CLASP2: variants seen among roughly 807,000 people sequenced by gnomAD.
The protein encoded by CLASP2 is cytoplasmic linker associated protein 2.
A neutral mutation model predicts 194.4 loss-of-function variants in CLASP2; 47 were observed. The observed-to-expected ratio is 0.24, with a 90% CI of 0.19 to 0.31. CLASP2 has a LOEUF of 0.31. CLASP2 is among the 10% of genes least tolerant of loss of function. The pLI is 1.00. For synonymous variants in CLASP2, 619 were observed against 633.5 expected (o/e 0.98, Z 0.34); for missense variants, 1,445 against 1,823.6 (o/e 0.79, Z 3.78).
At chr3:33,587,919 C>A (rs2067786428) in intron 21 of CLASP2, among the ~76,000 whole-genome samples, 1 of 151,952 alleles carries the variant, frequency 6.6e-6, no homozygotes, top group Non-Finnish European at 1.5e-5. Context: ...CTATTAAAAC[C>A]AATATAAATT....
rs540244830 is a variant in CLASP2, at chr3:33,542,896, T to C, written c.3404+537A>G. Among the ~76,000 whole-genome samples, 17 of 152,298 alleles carry C rather than the reference T, an allele frequency of 1.1e-4. No homozygotes were observed. In the South Asian group the frequency reaches 3.5e-3, roughly 32 times the overall value. ...TGCCATTTAATGTAATAAGCAGTAATTTATTTAAAAAGGCTGTCAGGTTTT... is the reference window on the plus strand; with the variant it reads ...TGCCATTTAATGTAATAAGCAGTAACTTATTTAAAAAGGCTGTCAGGTTTT... On this transcript the variant is annotated intron_variant, in intron 32 of 38. Coordinates refer to ENST00000682230, the MANE Select transcript of CLASP2 (RefSeq NM_001365631.1).
At chr3:33,630,525 G>A (rs778941901) in intron 9 of CLASP2, among the ~76,000 whole-genome samples, 8 of 150,968 alleles carry the variant, frequency 5.3e-5, no homozygotes, top group Non-Finnish European at 7.4e-5. Flanking sequence ...TATGAGAGCC[G>A]AGAATAATAA....
intron 29 of CLASP2, among the ~76,000 whole-genome samples, chr3:33,554,175 C>T (rs1327733061): frequency 2.0e-5 from 3 of 147,762 alleles, no homozygotes; most frequent in South Asian, 4.3e-4. Context: ...TCCAGTGAAC[C>T]GAGGTCACAC....
At chr3:33,567,511 T>C (rs1238663181) in intron 26 of CLASP2, among the ~76,000 whole-genome samples, 1 of 152,174 alleles carries the variant, frequency 6.6e-6, no homozygotes, top group Non-Finnish European at 1.5e-5. Context: ...CAGAAATATA[T>C]GGGATGGCTT....
chr3:33,698,672 A>G (rs1455879743), intron 1 of CLASP2, among the ~76,000 whole-genome samples: 1 of 152,240 alleles, frequency 6.6e-6, no homozygotes, highest in Non-Finnish European at 1.5e-5. Context: ...AACTATAGCA[A>G]TCATAACATT....
At chr3:33,508,946 A>G (rs1209976193) in intron 37 of CLASP2, among the ~76,000 whole-genome samples, 1 of 152,136 alleles carries the variant, frequency 6.6e-6, no homozygotes, top group Non-Finnish European at 1.5e-5. Flanking sequence ...GGCTCATTTT[A>G]TACATTACCT....
intron 37 of CLASP2, among the ~76,000 whole-genome samples, chr3:33,506,838 T>C (rs934743090): frequency 6.6e-6 from 1 of 152,238 alleles, no homozygotes; most frequent in African/African-American, 2.4e-5. Context: ...AGTCTACCTT[T>C]ATGACAGTAC....
intron 2 of CLASP2, 112 bp downstream of exon 2, chr3:33,696,743 G>A: frequency 1.2e-6 from 1 of 813,688 alleles, no homozygotes; most frequent in Non-Finnish European, 2.0e-6. Context: ...TGGGATTACA[G>A]AAATTACATT....
intron 7 of CLASP2, among the ~76,000 whole-genome samples, chr3:33,657,126 G>A (rs35274398): frequency 0.2 from 30,674 of 151,880 alleles, 3,447 homozygotes; most frequent in Admixed American, 0.33. Flanking sequence ...TTGTAAGTTC[G>A]TAAATAAACA....
chr3:33,601,735 T>A (rs904876067), intron 18 of CLASP2, among the ~76,000 whole-genome samples: 2 of 152,174 alleles, frequency 1.3e-5, no homozygotes, highest in African/African-American at 4.8e-5. Flanking sequence ...TGTAACATGG[T>A]TCTAACTTAA....
chr3:33,680,373 A>G (rs748516827), intron 6 of CLASP2, among the ~76,000 whole-genome samples: 2 of 152,220 alleles, frequency 1.3e-5, no homozygotes, highest in Non-Finnish European at 2.9e-5. Flanking sequence ...TGATATGTCA[A>G]TGTAGGTTCA....
At chr3:33,544,388 A>T (rs1170900531) in intron 31 of CLASP2, among the ~76,000 whole-genome samples, 1 of 152,176 alleles carries the variant, frequency 6.6e-6, no homozygotes, top group African/African-American at 2.4e-5. Context: ...TCTAAAGAGC[A>T]TGTCCTGATT....
intron 1 of CLASP2, among the ~76,000 whole-genome samples, chr3:33,711,245 C>T (rs1358801804): frequency 7.1e-6 from 1 of 140,588 alleles, no homozygotes; most frequent in Non-Finnish European, 1.5e-5. Context: ...ACCAGTATTG[C>T]ATTTTTTTTT....
chr3:33,616,547 G>A (rs2076195139), intron 12 of CLASP2, among the ~76,000 whole-genome samples: 1 of 151,818 alleles, frequency 6.6e-6, no homozygotes, highest in Admixed American at 6.6e-5. Context: ...ATATTAAAGG[G>A]CTATCTGATA....
intron 12 of CLASP2, among the ~76,000 whole-genome samples, chr3:33,612,947 T>C (rs948269892): frequency 6.6e-6 from 1 of 152,138 alleles, no homozygotes; most frequent in Non-Finnish European, 1.5e-5. Context: ...GTTAGAACAA[T>C]AAGATCTAGT....
intron 7 of CLASP2, chr3:33,659,059 T>C: frequency 6.5e-7 from 1 of 1,528,508 alleles, no homozygotes; most frequent in South Asian, 1.2e-5. Context: ...GCTCAGTGCC[T>C]GCGCCACTGG....
chr3:33,614,630 A>G (rs540777333), intron 12 of CLASP2, among the ~76,000 whole-genome samples: 1 of 152,266 alleles, frequency 6.6e-6, no homozygotes, highest in East Asian at 1.9e-4. Context: ...ATAATCAAAT[A>G]GTCTCATTTT....
At chr3:33,576,349 G>T (rs1338048205) in intron 23 of CLASP2, 74 bp from the exon 24 acceptor site, 2 of 1,144,440 alleles carry the variant, frequency 1.7e-6, no homozygotes, top group Admixed American at 4.1e-5. Flanking sequence ...GAAACTTTAA[G>T]ACCTTTACAG....
At chr3:33,600,415 A>T (rs1317506163) in intron 18 of CLASP2, among the ~76,000 whole-genome samples, 2 of 152,248 alleles carry the variant, frequency 1.3e-5, no homozygotes, top group East Asian at 3.9e-4. Flanking sequence ...GAGTATGTTT[A>T]TTATGAAAGG....
Sources: allele counts gnomAD v4.1 joint callset (sites outside exome capture counted in the v4.1 genomes callset), GRCh38; gene constraint gnomAD v4.1.1; transcripts MANE v1.5; gene names NCBI Gene and HGNC (gene_info 2026-07-23, HGNC 2026-07-21).